STARD13: variants seen among roughly 807,000 people sequenced by gnomAD.
STARD13 encodes the protein stAR-related lipid transfer protein 13.
Under a neutral mutation model 106.4 loss-of-function variants are expected in STARD13, and 62 were observed. The ratio of observed to expected loss-of-function variants is 0.58; its 90% confidence interval spans 0.48 to 0.72. The LOEUF (loss-of-function observed/expected upper bound fraction) is 0.72, where lower values mean the gene tolerates loss of function less well. STARD13 is among the 30% of genes least tolerant of loss of function. The pLI is 0.00. For synonymous variants in STARD13, 565 were observed against 553.0 expected, an observed-to-expected ratio of 1.02 and a Z score of -0.31; for missense variants, 1,387 against 1,424.0, an observed-to-expected ratio of 0.97 and a Z score of 0.42.
chr13:33,397,498 C>T, the STARD13 span, among the ~76,000 whole-genome samples: 1 of 152,298 alleles, frequency 6.6e-6, no homozygotes, highest in East Asian at 1.9e-4. Context: ...ATCCAGGAGA[C>T]TCATATCTTC....
At chr13:33,219,310 G>T (rs980966479) in intron 1 of STARD13, among the ~76,000 whole-genome samples, 1 of 151,798 alleles carries the variant, frequency 6.6e-6, no homozygotes, top group Non-Finnish European at 1.5e-5. Context: ...CCCTCTTGCT[G>T]CTCCTCTGCT....
At chr13:33,571,511 G>A in the STARD13 span, among the ~76,000 whole-genome samples, 67 of 152,222 alleles carry the variant, frequency 4.4e-4, 1 homozygote, top group East Asian at 0.011. Flanking sequence ...AAGTCTAAGA[G>A]TCAGAGTGTT....
chr13:33,298,392 C>T lies in STARD13; in HGVS notation c.124+51898G>A, dbSNP rs183741872. Among the ~76,000 whole-genome samples, 754 of 151,758 alleles carry T rather than the reference C, an allele frequency of 5.0e-3. 5 individuals carry two copies. Among genetic ancestry groups the T allele is most frequent in the Admixed American group, 8.5e-3 (129 of 15,260 alleles). On this transcript the variant is annotated intron_variant, in intron 1 of 5. Coordinates refer to the STARD13 transcript ENST00000567873. ...CCTCAAATGATCCACCCACCTCGGCCTCCCAAAGTGCTGGGATTACAGGCG... is the reference window on the plus strand; with the variant it reads ...CCTCAAATGATCCACCCACCTCGGCTTCCCAAAGTGCTGGGATTACAGGCG...
intron 1 of STARD13, among the ~76,000 whole-genome samples, chr13:33,230,679 A>G (rs1888873123): frequency 6.6e-6 from 1 of 152,246 alleles, no homozygotes; most frequent in Non-Finnish European, 1.5e-5. Flanking sequence ...GATTCATCTG[A>G]GAATCACATT....
At chr13:33,203,631 G>T (rs907287413) in intron 1 of STARD13, among the ~76,000 whole-genome samples, 9 of 152,028 alleles carry the variant, frequency 5.9e-5, no homozygotes, top group Non-Finnish European at 8.8e-5. Context: ...TTGAGGAAAT[G>T]ACTAGTCTTA....
the STARD13 span, among the ~76,000 whole-genome samples, chr13:33,587,560 T>C: frequency 6.6e-6 from 1 of 152,200 alleles, no homozygotes; most frequent in Non-Finnish European, 1.5e-5. Flanking sequence ...CTCCAGATGG[T>C]CATTCACACC....
At position 33,110,559 on chromosome 13, in the gene STARD13, T is replaced by C. The variant is rs1874383319; in HGVS notation, c.2829+127A>G. 2.1e-5 allele frequency: 16 copies of C among 761,098 alleles called. No homozygotes were observed. In the South Asian group the frequency reaches 2.6e-4, roughly 12 times the overall value. The allele number at this position is 761,098 out of a possible 1,614,324, so 47.1% of individuals were successfully genotyped here. Reference sequence around the variant, plus strand: ...TGGACTGAGTTCTTTGAATGGTTCATGTGCCTTAACTGTCCGCGTGTGTGC... The same window carrying C: ...TGGACTGAGTTCTTTGAATGGTTCACGTGCCTTAACTGTCCGCGTGTGTGC... On this transcript the variant is annotated intron_variant, in intron 11 of 13. Transcript: ENST00000336934.
In STARD13 at chr13:33,118,211, T is replaced by C. The variant is rs1335622424; in HGVS notation, c.2135A>G (p.Gln712Arg). 1 of 1,614,228 alleles carries C rather than the reference T, an allele frequency of 6.2e-7. No individual in the cohort carries two copies. Among genetic ancestry groups the C allele is most frequent in the South Asian group, 1.1e-5 (1 of 91,082 alleles). The change falls in exon 8 of 14, where the codon CAA becomes CGA. Residue 712 changes from glutamine to arginine, a missense_variant. Physicochemically the swap from Gln to Arg is conservative, Grantham distance 43. Transcript: ENST00000336934. ...GVKSRIHALR[Q>R]MNENFPENVN... is the part of the protein sequence containing the mutation. ...GTTCTCAGGGAAGTTTTCATTCATT[T>C]GGCGAAGGGCATGGATTCGAGACTT...
chr13:33,545,944 A>G, the STARD13 span, among the ~76,000 whole-genome samples: 1 of 152,250 alleles, frequency 6.6e-6, no homozygotes, highest in Admixed American at 6.5e-5. Context: ...GTATTCCTTT[A>G]TAGAAAAATA....
At chr13:33,447,233 G>A in the STARD13 span, among the ~76,000 whole-genome samples, 108 of 152,300 alleles carry the variant, frequency 7.1e-4, 1 homozygote, top group African/African-American at 2.5e-3. Flanking sequence ...AAAAACGTCC[G>A]TCTCTTGTAC....
chr13:33,668,468 G>T, the STARD13 span, among the ~76,000 whole-genome samples: 1 of 152,182 alleles, frequency 6.6e-6, no homozygotes, highest in Non-Finnish European at 1.5e-5. Flanking sequence ...AAACTGGATT[G>T]CTAGGACAGG....
the STARD13 span, among the ~76,000 whole-genome samples, chr13:33,394,250 G>A: frequency 6.6e-6 from 1 of 150,760 alleles, no homozygotes. Flanking sequence ...ATAGTCCTAT[G>A]AATGGGTCTA....
chr13:33,579,599 CAA>C, the STARD13 span, among the ~76,000 whole-genome samples: 1 of 150,666 alleles, frequency 6.6e-6, no homozygotes, highest in African/African-American at 2.4e-5. Flanking sequence ...CCTATGTAAC[CAA>C]AAACCACTTG....
chr13:33,426,413 A>G, the STARD13 span, among the ~76,000 whole-genome samples: 7 of 152,062 alleles, frequency 4.6e-5, no homozygotes, highest in African/African-American at 1.7e-4. Flanking sequence ...TCTATCACAC[A>G]CTTACAAGTC....
chr13:33,231,063 A>G (rs371912144), intron 1 of STARD13, among the ~76,000 whole-genome samples: 1 of 152,256 alleles, frequency 6.6e-6, no homozygotes, highest in African/African-American at 2.4e-5. Context: ...ATGACCTACC[A>G]TCCCAGTTTT....
At chr13:33,197,632 A>G (rs1886726159) in intron 1 of STARD13, among the ~76,000 whole-genome samples, 3 of 152,210 alleles carry the variant, frequency 2.0e-5, no homozygotes, top group Admixed American at 2.0e-4. Flanking sequence ...AGCATTCGAC[A>G]CAGTGCTGCT....
chr13:33,326,673 T>C (rs1306483027), intron 1 of STARD13, among the ~76,000 whole-genome samples: 1 of 152,198 alleles, frequency 6.6e-6, no homozygotes, highest in African/African-American at 2.4e-5. Flanking sequence ...GACCCCAAAT[T>C]ATGTATACTG....
At chr13:33,391,889 T>C in the STARD13 span, among the ~76,000 whole-genome samples, 1 of 152,064 alleles carries the variant, frequency 6.6e-6, no homozygotes, top group African/African-American at 2.4e-5. Flanking sequence ...TTGCAATACT[T>C]ATGATTTTTT....
At chr13:33,278,213 C>G (rs531313676) in intron 1 of STARD13, among the ~76,000 whole-genome samples, 167 of 152,206 alleles carry the variant, frequency 1.1e-3, no homozygotes, top group Non-Finnish European at 1.8e-3. Context: ...TTTTCCTGAG[C>G]CTTTCATAAG....
Sources: gnomAD v4.1 joint callset for allele counts (sites outside exome capture counted in the v4.1 genomes callset) on GRCh38, gnomAD v4.1.1 for gene constraint, MANE v1.5 for transcripts, NCBI Gene and HGNC (gene_info 2026-07-23, HGNC 2026-07-21) for gene names.